Variants in AVEN observed in about 807,000 individuals in gnomAD.
The protein encoded by AVEN is apoptosis and caspase activation inhibitor, also known as cell death regulator Aven.
In AVEN, 41 loss-of-function variants were observed where a neutral mutation model predicts 38.1. That is an observed-to-expected ratio of 1.08 (90% CI 0.84 to 1.40). AVEN has a LOEUF of 1.40. Ranked by LOEUF, AVEN falls within the 40% of genes most tolerant of loss-of-function variation. The pLI is 0.00. For synonymous variants in AVEN, 206 were observed against 171.8 expected, an observed-to-expected ratio of 1.20 and a Z score of -1.56; for missense variants, 605 against 438.8, an observed-to-expected ratio of 1.38 and a Z score of -3.38.
At chr15:33,983,162 G>GTA (rs1448883605) in intron 2 of AVEN, among the ~76,000 whole-genome samples, 1 of 87,204 alleles carries the variant, frequency 1.1e-5, no homozygotes, top group East Asian at 5.1e-4. Context: ...GTGTGTGTAT[G>GTA]TGTGTGTGTA....
At chr15:33,864,301 T>G (rs1240275933), downstream of AVEN, 4 of 807,246 alleles carry the variant, frequency 5.0e-6, no homozygotes, top group African/African-American at 3.5e-5. Context: ...ATCCCGTGAA[T>G]GCATTTTCCC....
intron 2 of AVEN, among the ~76,000 whole-genome samples, chr15:33,993,334 CAA>C (rs1896805491): frequency 6.6e-6 from 1 of 152,178 alleles, no homozygotes; most frequent in South Asian, 2.1e-4. Context: ...AAGAGTTCTA[CAA>C]AGACACCTAA....
At chr15:33,881,158 A>G (rs970728302) in intron 2 of AVEN, among the ~76,000 whole-genome samples, 4 of 152,138 alleles carry the variant, frequency 2.6e-5, no homozygotes, top group African/African-American at 9.7e-5. Context: ...GCACAATCAG[A>G]GCTCACTGCA....
At position 33,964,903 on chromosome 15, in the gene AVEN, C is replaced by T. The variant is rs149837977; in HGVS notation, c.445+38129G>A. 5.9e-5 allele frequency among the ~76,000 whole-genome samples: 9 copies of T among 152,264 alleles called. No individual in the cohort carries two copies. The East Asian group carries it at 1.4e-3, about 23-fold the overall frequency. The stretch of plus-strand genomic sequence containing the variant: ...TTTCAACATTATACTGGGAGTCTCA[C>T]GCTTAAGTTGAATGATGGTTATTCT... On this transcript the variant is annotated intron_variant, in intron 2 of 5. Transcript: ENST00000306730.
chr15:34,001,684 G>A (rs1407477491), intron 2 of AVEN, among the ~76,000 whole-genome samples: 3 of 132,872 alleles, frequency 2.3e-5, no homozygotes, highest in African/African-American at 8.4e-5. Context: ...ACCTAAAGAA[G>A]TTATGCTATT....
intron 2 of AVEN, among the ~76,000 whole-genome samples, chr15:34,067,675 C>T (rs1170168095): frequency 6.6e-6 from 1 of 152,178 alleles, no homozygotes; most frequent in Non-Finnish European, 1.5e-5. Flanking sequence ...ATAATGATGA[C>T]AAGAGATCTG....
At chr15:33,912,206 A>G (rs1176171616) in intron 2 of AVEN, among the ~76,000 whole-genome samples, 1 of 152,158 alleles carries the variant, frequency 6.6e-6, no homozygotes, top group African/African-American at 2.4e-5. Context: ...TGTTAAGTTT[A>G]AGGGAAAGAA....
At chr15:33,967,038 G>C (rs1446094876) in intron 2 of AVEN, among the ~76,000 whole-genome samples, 1 of 151,996 alleles carries the variant, frequency 6.6e-6, no homozygotes, top group African/African-American at 2.4e-5. Context: ...TATTATAGAA[G>C]TGACCAGTAT....
intron 2 of AVEN, among the ~76,000 whole-genome samples, chr15:33,886,647 C>T (rs1224820714): frequency 1.3e-5 from 2 of 152,206 alleles, no homozygotes; most frequent in African/African-American, 2.4e-5. Context: ...TGAAGAAGAA[C>T]ATGTCTACTT....
At chr15:33,873,105 T>TTC (rs1414098099) in intron 3 of AVEN, among the ~76,000 whole-genome samples, 7 of 140,032 alleles carry the variant, frequency 5.0e-5, no homozygotes, top group African/African-American at 1.9e-4. Flanking sequence ...TTTTTTTTTT[T>TTC]TTTTTTTTTT....
intron 4 of AVEN, chr15:34,064,449 C>A: frequency 8.6e-7 from 1 of 1,163,832 alleles, no homozygotes; most frequent in Non-Finnish European, 1.2e-6. Flanking sequence ...TTTGTAAAGG[C>A]TCAAGTTTGG....
intron 2 of AVEN, among the ~76,000 whole-genome samples, chr15:33,981,223 C>T (rs188738340): frequency 2.6e-4 from 40 of 152,222 alleles, no homozygotes; most frequent in Non-Finnish European, 5.0e-4. Context: ...AAATATGAAG[C>T]GGATGAATTT....
In AVEN at chr15:34,073,989, C is replaced by CTTTTTTTTTT. The variant is rs5811818; in HGVS notation, n.720+437_720+446dup. On this transcript the variant is annotated intron_variant and non_coding_transcript_variant, in intron 1 of 11. Transcript: ENST00000675287. ...AGGAACTTTCTTTTTTCTTCTTCTT[C>CTTTTTTTTTT]TTTTTTTTTTTTTTTTTTTTTTTTT... Among the ~76,000 whole-genome samples, 47 of 31,498 alleles carry CTTTTTTTTTT rather than the reference C, an allele frequency of 1.5e-3. 5 individuals are homozygous for CTTTTTTTTTT. The highest frequency in any genetic ancestry group is 3.4e-3 in the East Asian group (3 of 886). The allele number at this position is 31,498 out of a possible 152,430, so 20.7% of individuals were successfully genotyped here.
intron 1 of AVEN, among the ~76,000 whole-genome samples, chr15:34,020,331 TAG>T (rs778037788): frequency 5.1e-4 from 78 of 151,756 alleles, no homozygotes; most frequent in South Asian, 8.4e-4. Flanking sequence ...GAAAAAAAAA[TAG>T]AGGTTTTAAA....
intron 1 of AVEN, 131 bp downstream of exon 1, chr15:34,038,649 C>T: frequency 2.4e-6 from 2 of 845,540 alleles, no homozygotes; most frequent in Non-Finnish European, 2.9e-6. Context: ...CCGCCCGTCC[C>T]GCGCAGGCGC....
At chr15:34,001,569 A>T (rs1897139549) in intron 2 of AVEN, among the ~76,000 whole-genome samples, 1 of 152,142 alleles carries the variant, frequency 6.6e-6, no homozygotes, top group Non-Finnish European at 1.5e-5. Context: ...ATAAACCCAT[A>T]ATTGGCCAAA....
chr15:33,969,017 AT>A (rs1895514591), intron 2 of AVEN: 1 of 152,106 alleles, frequency 6.6e-6, no homozygotes, highest in Non-Finnish European at 1.5e-5. Flanking sequence ...GAATACAGAT[AT>A]AAAGACACTG....
chr15:33,874,589 T>C (rs1891142548), intron 3 of AVEN, among the ~76,000 whole-genome samples: 2 of 152,282 alleles, frequency 1.3e-5, no homozygotes, highest in Non-Finnish European at 1.5e-5. Flanking sequence ...ACACCCCTTA[T>C]TTTAGGTTGT....
chr15:33,960,575 G>T (rs539509073), intron 2 of AVEN, among the ~76,000 whole-genome samples: 3 of 152,112 alleles, frequency 2.0e-5, no homozygotes, highest in African/African-American at 7.2e-5. Context: ...TTAAAAAAAA[G>T]AACTTCTTAA....
Sources: allele counts gnomAD v4.1 joint callset (sites outside exome capture counted in the v4.1 genomes callset), GRCh38; gene constraint gnomAD v4.1.1; transcripts MANE v1.5; gene names NCBI Gene and HGNC (gene_info 2026-07-23, HGNC 2026-07-21).